Variants in ZSWIM6 observed in about 807,000 individuals in gnomAD.
The protein encoded by ZSWIM6 is zinc finger SWIM-type containing 6.
In ZSWIM6, 9 loss-of-function variants were observed where a neutral mutation model predicts 113.2. The observed-to-expected ratio is 0.08, with a 90% CI of 0.05 to 0.14. The LOEUF (loss-of-function observed/expected upper bound fraction) is 0.14, where lower values mean the gene tolerates loss of function less well. Ranked by LOEUF, ZSWIM6 falls within the 10% of genes least tolerant of loss-of-function variation. ZSWIM6 has a pLI of 1.00. For synonymous variants in ZSWIM6, 611 were observed against 606.5 expected, an observed-to-expected ratio of 1.01 and a Z score of -0.11; for missense variants, 1,162 against 1,552.2, an observed-to-expected ratio of 0.75 and a Z score of 4.22.
At chr5:61,376,942 T>C (rs1207124825) in intron 1 of ZSWIM6, among the ~76,000 whole-genome samples, 1 of 152,000 alleles carries the variant, frequency 6.6e-6, no homozygotes, top group Non-Finnish European at 1.5e-5. Context: ...AGGCTTCATA[T>C]TGAAGCTGAG....
intron 1 of ZSWIM6, among the ~76,000 whole-genome samples, chr5:61,376,046 T>A (rs566895780): frequency 4.2e-5 from 4 of 95,914 alleles, no homozygotes; most frequent in African/African-American, 1.7e-4. Flanking sequence ...CTTGAACATC[T>A]ATTTTTTTCT....
chr5:61,332,981 CGTCCGTCA>C, intron 1 of ZSWIM6, 33 bp downstream of exon 1: 1 of 1,168,102 alleles, frequency 8.6e-7, no homozygotes, highest in Non-Finnish European at 1.1e-6. Context: ...GCCGTCTGTC[CGTCCGTCA>C]GTCCCTGGGT....
intron 1 of ZSWIM6, among the ~76,000 whole-genome samples, chr5:61,416,920 C>A (rs28610339): frequency 0.36 from 54,186 of 152,024 alleles, 9,842 homozygotes; most frequent in African/African-American, 0.41. Flanking sequence ...TGGATCACCT[C>A]GGTCAGTGAT....
chr5:61,505,780 G>T (rs1374498972), intron 4 of ZSWIM6, among the ~76,000 whole-genome samples: 3 of 139,046 alleles, frequency 2.2e-5, no homozygotes, highest in Non-Finnish European at 4.6e-5. Context: ...AGACAGTCTC[G>T]CTCTGTCACC....
intron 4 of ZSWIM6, among the ~76,000 whole-genome samples, chr5:61,496,515 G>A (rs190623626): frequency 2.6e-5 from 4 of 152,260 alleles, no homozygotes; most frequent in Non-Finnish European, 5.9e-5. Context: ...TTGCTTCAAG[G>A]CTCTGCTTTG....
intron 1 of ZSWIM6, among the ~76,000 whole-genome samples, chr5:61,413,469 G>A (rs1746186350): frequency 6.6e-6 from 1 of 152,006 alleles, no homozygotes; most frequent in South Asian, 2.1e-4. Context: ...TGTGAATAGT[G>A]CTGCAGTAAA....
At chr5:61,407,344 A>G (rs1175923346) in intron 1 of ZSWIM6, among the ~76,000 whole-genome samples, 1 of 152,248 alleles carries the variant, frequency 6.6e-6, no homozygotes, top group Non-Finnish European at 1.5e-5. Flanking sequence ...GAAAACATAA[A>G]AATATTTGAA....
intron 1 of ZSWIM6, among the ~76,000 whole-genome samples, chr5:61,464,497 A>G (rs753640500): frequency 6.6e-6 from 1 of 152,128 alleles, no homozygotes; most frequent in Non-Finnish European, 1.5e-5. Flanking sequence ...GGGGAATATG[A>G]TGCCTGCTTT....
chr5:61,533,357 A>G (rs1486521234), intron 9 of ZSWIM6, among the ~76,000 whole-genome samples: 2 of 152,230 alleles, frequency 1.3e-5, no homozygotes, highest in Non-Finnish European at 2.9e-5. Flanking sequence ...TGTCAGAGGC[A>G]AATTAGTTAG....
chr5:61,455,050 T>A (rs969218762), intron 1 of ZSWIM6, among the ~76,000 whole-genome samples: 1 of 152,052 alleles, frequency 6.6e-6, no homozygotes, highest in Non-Finnish European at 1.5e-5. Context: ...GTGTCTTTTT[T>A]AAAAAATAGG....
intron 1 of ZSWIM6, among the ~76,000 whole-genome samples, chr5:61,365,051 T>G (rs1745122142): frequency 6.6e-6 from 1 of 152,136 alleles, no homozygotes; most frequent in Non-Finnish European, 1.5e-5. Flanking sequence ...ATAGCCTTTT[T>G]GAAATGTGAC....
chr5:61,367,043 A>G (rs916881426), intron 1 of ZSWIM6, among the ~76,000 whole-genome samples: 1 of 152,160 alleles, frequency 6.6e-6, no homozygotes, highest in African/African-American at 2.4e-5. Context: ...AAAAGAAAGA[A>G]GACTTAAGAA....
chr5:61,360,252 T>C (rs1420916811), intron 1 of ZSWIM6, among the ~76,000 whole-genome samples: 2 of 152,210 alleles, frequency 1.3e-5, no homozygotes, highest in African/African-American at 4.8e-5. Flanking sequence ...CCCCTTTTCT[T>C]TCTCTCACCT....
intron 1 of ZSWIM6, among the ~76,000 whole-genome samples, chr5:61,393,189 C>T (rs991484456): frequency 4.0e-5 from 6 of 151,580 alleles, no homozygotes; most frequent in Non-Finnish European, 8.8e-5. Flanking sequence ...TACAGGCGCA[C>T]ACCACCACTC....
At chr5:61,528,263 GA>G (rs139020184) in intron 7 of ZSWIM6, among the ~76,000 whole-genome samples, 2 of 151,246 alleles carry the variant, frequency 1.3e-5, no homozygotes, top group Admixed American at 6.6e-5. Context: ...TATTGATTCT[GA>G]AAAAAAACAG....
At chr5:61,437,403 A>G (rs577066368) in intron 1 of ZSWIM6, among the ~76,000 whole-genome samples, 1 of 152,176 alleles carries the variant, frequency 6.6e-6, no homozygotes, top group African/African-American at 2.4e-5. Flanking sequence ...TCAGCAAGCC[A>G]ATAGTTGGCA....
At chr5:61,530,357 G>A (rs1245684841) in intron 8 of ZSWIM6, among the ~76,000 whole-genome samples, 159 bp downstream of exon 8, 1 of 152,178 alleles carries the variant, frequency 6.6e-6, no homozygotes, top group Admixed American at 6.5e-5. Flanking sequence ...ATGCTTTCAC[G>A]CAGGCTGCTA....
At chr5:61,511,728 A>G (rs368130904) in intron 4 of ZSWIM6, among the ~76,000 whole-genome samples, 2 of 152,268 alleles carry the variant, frequency 1.3e-5, no homozygotes, top group African/African-American at 4.8e-5. Flanking sequence ...GTAAGCAGTA[A>G]ATGTTTGTTG....
At chr5:61,504,138 A>G (rs974362935) in intron 4 of ZSWIM6, among the ~76,000 whole-genome samples, 1 of 152,200 alleles carries the variant, frequency 6.6e-6, no homozygotes, top group Non-Finnish European at 1.5e-5. Flanking sequence ...ACTGAAAACA[A>G]TGATTGAAAG....
Sources: gnomAD v4.1 joint callset for allele counts (sites outside exome capture counted in the v4.1 genomes callset) on GRCh38, gnomAD v4.1.1 for gene constraint, MANE v1.5 for transcripts, NCBI Gene and HGNC (gene_info 2026-07-23, HGNC 2026-07-21) for gene names.